The following FOXJ3 variants were observed in gnomAD, a reference collection of about 807,000 sequenced individuals.
FOXJ3 encodes the protein forkhead box J3.
A neutral mutation model predicts 76.1 loss-of-function variants in FOXJ3; 22 were observed. The ratio of observed to expected loss-of-function variants is 0.29; its 90% CI spans 0.21 to 0.41. The LOEUF is 0.41. Among genes scored for constraint, FOXJ3 ranks in the 10% least tolerant of loss-of-function variants. The pLI is 1.00. For synonymous variants in FOXJ3, 269 were observed against 261.2 expected (o/e 1.03, Z -0.29); for missense variants, 613 against 762.1 (o/e 0.80, Z 2.30).
At chr1:42,280,430 A>G (rs1652610470) in intron 2 of FOXJ3, 1 of 213,536 alleles carries the variant, frequency 4.7e-6, no homozygotes, top group African/African-American at 2.6e-5. Context: ...TAGCATCTTC[A>G]GAGATCTTAA....
At chr1:42,332,702 A>G (rs542963591) in intron 1 of FOXJ3, among the ~76,000 whole-genome samples, 2 of 152,180 alleles carry the variant, frequency 1.3e-5, no homozygotes, top group East Asian at 3.9e-4. Flanking sequence ...CCCCTCACCA[A>G]TCCTAAACTC....
chr1:42,243,305 T>G (rs1649296475), intron 4 of FOXJ3, among the ~76,000 whole-genome samples: 1 of 152,038 alleles, frequency 6.6e-6, no homozygotes, highest in Admixed American at 6.6e-5. Flanking sequence ...ATGTTACCAC[T>G]ACAGAAAACC....
At chr1:42,270,068 T>G (rs1228296521) in intron 3 of FOXJ3, among the ~76,000 whole-genome samples, 27 of 152,214 alleles carry the variant, frequency 1.8e-4, no homozygotes, top group Admixed American at 1.8e-3. Flanking sequence ...GACCCTATCT[T>G]GCTTTCAACA....
chr1:42,307,365 T>C (rs1280141584), intron 2 of FOXJ3, among the ~76,000 whole-genome samples: 2 of 152,238 alleles, frequency 1.3e-5, no homozygotes, highest in African/African-American at 4.8e-5. Flanking sequence ...TGTCATTTCT[T>C]TGGGGACTTT....
At chr1:42,294,237 C>T (rs1313321325) in intron 2 of FOXJ3, among the ~76,000 whole-genome samples, 1 of 152,184 alleles carries the variant, frequency 6.6e-6, no homozygotes, top group South Asian at 2.1e-4. Flanking sequence ...GTCTCAAACG[C>T]TTTCTGTAGT....
intron 6 of FOXJ3, 124 bp downstream of exon 6, chr1:42,205,638 G>A (rs1269983265): frequency 1.6e-6 from 1 of 642,318 alleles, no homozygotes; most frequent in Admixed American, 2.8e-5. Context: ...AAGCTACCAT[G>A]CATAGGGTAG....
At chr1:42,325,868 C>T (rs574182212) in intron 1 of FOXJ3, among the ~76,000 whole-genome samples, 11 of 152,202 alleles carry the variant, frequency 7.2e-5, no homozygotes, top group African/African-American at 2.6e-4. Flanking sequence ...ACAACTTGAC[C>T]CATAAGATAA....
chr1:42,212,022 G>C (rs1246305615), intron 5 of FOXJ3, among the ~76,000 whole-genome samples: 1 of 152,230 alleles, frequency 6.6e-6, no homozygotes, highest in Non-Finnish European at 1.5e-5. Flanking sequence ...GGGAGGCAAA[G>C]GTGGGTGGAT....
chr1:42,267,122 G>C (rs781320729), intron 3 of FOXJ3, among the ~76,000 whole-genome samples: 2 of 152,100 alleles, frequency 1.3e-5, no homozygotes, highest in African/African-American at 2.4e-5. Flanking sequence ...GCTGAGGGAA[G>C]AAACACTGAA....
intron 5 of FOXJ3, among the ~76,000 whole-genome samples, chr1:42,212,963 AAAAAAAAAC>A (rs1456043032): frequency 2.0e-5 from 3 of 148,410 alleles, no homozygotes; most frequent in East Asian, 2.0e-4. Flanking sequence ...CTAGCAAAAA[AAAAAAAAAC>A]AAAAAAAAAA....
intron 2 of FOXJ3, among the ~76,000 whole-genome samples, chr1:42,301,606 A>C (rs187034271): frequency 6.6e-6 from 1 of 152,210 alleles, no homozygotes; most frequent in Admixed American, 6.5e-5. Context: ...CTTTCTCTAG[A>C]CTAGTATTAA....
At chr1:42,230,705 C>T (rs1397554699) in intron 4 of FOXJ3, among the ~76,000 whole-genome samples, 2 of 152,070 alleles carry the variant, frequency 1.3e-5, no homozygotes, top group South Asian at 2.1e-4. Flanking sequence ...GGATGCTCAA[C>T]CTGTATTGGC....
At chr1:42,257,003 C>T (rs562424749) in intron 4 of FOXJ3, among the ~76,000 whole-genome samples, 101 of 151,914 alleles carry the variant, frequency 6.6e-4, no homozygotes, top group Middle Eastern at 3.4e-3. Context: ...TGTGAACTTA[C>T]GGAAAAAAAT....
chr1:42,255,418 T>C (rs1316252086), intron 4 of FOXJ3, among the ~76,000 whole-genome samples: 1 of 152,152 alleles, frequency 6.6e-6, no homozygotes, highest in Non-Finnish European at 1.5e-5. Flanking sequence ...TCCTATAAAC[T>C]ATCTGATTAA....
At chr1:42,281,140 A>G (rs959970130) in intron 2 of FOXJ3, among the ~76,000 whole-genome samples, 4 of 152,222 alleles carry the variant, frequency 2.6e-5, no homozygotes, top group African/African-American at 9.7e-5. Context: ...GGTATTTACT[A>G]TGTGTTATAT....
At chr1:42,301,634 T>C (rs757449062) in intron 2 of FOXJ3, among the ~76,000 whole-genome samples, 9 of 152,232 alleles carry the variant, frequency 5.9e-5, no homozygotes, top group Non-Finnish European at 1.2e-4. Flanking sequence ...AACTATATTT[T>C]GTAATTCTTT....
intron 1 of FOXJ3, among the ~76,000 whole-genome samples, chr1:42,321,825 A>T (rs1335357452): frequency 6.6e-6 from 1 of 152,128 alleles, no homozygotes; most frequent in Non-Finnish European, 1.5e-5. Context: ...GTTCCTGATC[A>T]GTATATGATT....
At chr1:42,258,670 TA>T (rs1195882536) in intron 4 of FOXJ3, among the ~76,000 whole-genome samples, 1 of 152,238 alleles carries the variant, frequency 6.6e-6, no homozygotes, top group African/African-American at 2.4e-5. Context: ...CTTAATGGAT[TA>T]AAATATGTAA....
intron 4 of FOXJ3, among the ~76,000 whole-genome samples, chr1:42,243,754 CA>C (rs1557668028): frequency 2.0e-5 from 3 of 151,954 alleles, no homozygotes; most frequent in Non-Finnish European, 2.9e-5. Context: ...AACACTGGAG[CA>C]ACCAGATACG....
Sources: allele counts gnomAD v4.1 joint callset (sites outside exome capture counted in the v4.1 genomes callset), GRCh38; gene constraint gnomAD v4.1.1; transcripts MANE v1.5; gene names NCBI Gene and HGNC (gene_info 2026-07-23, HGNC 2026-07-21).